NXPE4: variants seen among roughly 807,000 people sequenced by gnomAD.
NXPE4 encodes the protein NXPE family member 4.
NXPE4 carries 42 observed loss-of-function variants against 33.3 expected under a neutral mutation model. The observed-to-expected ratio is 1.26, with a 90% CI of 0.98 to 1.63. NXPE4 has a LOEUF of 1.63. Ranked by LOEUF, NXPE4 falls within the 40% of genes most tolerant of loss-of-function variation. The pLI, the probability that NXPE4 is intolerant of heterozygous loss-of-function variation, is 0.00. For missense variants in NXPE4, 709 were observed against 647.6 expected (o/e 1.09, Z -1.03); for synonymous variants, 253 against 234.9 (o/e 1.08, Z -0.71).
chr11:114,673,080 T>C, the NXPE4 span, among the ~76,000 whole-genome samples: 207 of 148,298 alleles, frequency 1.4e-3, no homozygotes, highest in Middle Eastern at 3.6e-3. Flanking sequence ...ATATATTATA[T>C]ATATAACATA....
At chr11:114,596,507 C>G (rs185828623), upstream of NXPE4, among the ~76,000 whole-genome samples, 464 of 152,272 alleles carry the variant, frequency 3.0e-3, no homozygotes, top group African/African-American at 0.01. Flanking sequence ...AAGATGGAAT[C>G]AAGACCAGTT....
the NXPE4 span, among the ~76,000 whole-genome samples, chr11:114,626,377 C>T: frequency 8.9e-3 from 1,355 of 152,256 alleles, 20 homozygotes; most frequent in African/African-American, 0.031. Flanking sequence ...CCCTGACCCC[C>T]GAGCAGCCTA....
At chr11:114,590,888 G>A (rs1308846845) in intron 2 of NXPE4, among the ~76,000 whole-genome samples, 4 of 152,136 alleles carry the variant, frequency 2.6e-5, no homozygotes, top group Admixed American at 6.6e-5. Flanking sequence ...CTAACAGTCC[G>A]TTGGCTCCTT....
At chr11:114,576,880 T>G (rs960052132) in intron 5 of NXPE4, among the ~76,000 whole-genome samples, 25 of 150,974 alleles carry the variant, frequency 1.7e-4, no homozygotes, top group African/African-American at 5.6e-4. Context: ...AAAAAAATAC[T>G]TGTACACACA....
At chr11:114,581,366 T>C (rs1949141736) in intron 4 of NXPE4, among the ~76,000 whole-genome samples, 2 of 151,996 alleles carry the variant, frequency 1.3e-5, no homozygotes, top group African/African-American at 2.4e-5. Context: ...GATGGGCTAG[T>C]GGTGATATGG....
chr11:114,601,686 A>ATATAT, the NXPE4 span, among the ~76,000 whole-genome samples: 1 of 31,678 alleles, frequency 3.2e-5, no homozygotes, highest in Admixed American at 6.1e-4. Context: ...ATTATAGATT[A>ATATAT]TATATATTTA....
At chr11:114,657,573 T>A in the NXPE4 span, among the ~76,000 whole-genome samples, 1 of 152,186 alleles carries the variant, frequency 6.6e-6, no homozygotes, top group South Asian at 2.1e-4. Context: ...TGCTATTTAA[T>A]GTCGTATAAT....
At chr11:114,606,405 G>A in the NXPE4 span, among the ~76,000 whole-genome samples, 21 of 150,808 alleles carry the variant, frequency 1.4e-4, no homozygotes, top group African/African-American at 4.4e-4. Flanking sequence ...ACTGTTACCC[G>A]GTGGATAATA....
the NXPE4 span, among the ~76,000 whole-genome samples, chr11:114,650,784 A>G: frequency 1.3e-5 from 2 of 152,122 alleles, no homozygotes; most frequent in Non-Finnish European, 1.5e-5. Flanking sequence ...AGAACTCTGG[A>G]AAGACTCTCT....
At chr11:114,636,981 A>C in the NXPE4 span, among the ~76,000 whole-genome samples, 1 of 152,224 alleles carries the variant, frequency 6.6e-6, no homozygotes, top group African/African-American at 2.4e-5. Context: ...TATTAGGTCC[A>C]CTTGGTGCAG....
chr11:114,589,873 A>G (rs1169319483), intron 2 of NXPE4, among the ~76,000 whole-genome samples: 2 of 152,210 alleles, frequency 1.3e-5, no homozygotes, highest in Non-Finnish European at 2.9e-5. Context: ...TGCAGAATGG[A>G]GATTCATTAA....
the NXPE4 span, among the ~76,000 whole-genome samples, chr11:114,668,677 G>A: frequency 1.3e-5 from 2 of 152,078 alleles, no homozygotes; most frequent in East Asian, 3.9e-4. Context: ...GGAGTGGGCA[G>A]AGACCATGAC....
At chr11:114,636,424 C>T in the NXPE4 span, among the ~76,000 whole-genome samples, 4 of 152,012 alleles carry the variant, frequency 2.6e-5, no homozygotes, top group African/African-American at 7.2e-5. Flanking sequence ...CTCCTGGATT[C>T]GTTAATTGTT....
chr11:114,591,662 G>A (rs1335336628), intron 2 of NXPE4, among the ~76,000 whole-genome samples: 1 of 152,064 alleles, frequency 6.6e-6, no homozygotes, highest in East Asian at 1.9e-4. Context: ...ATGGCAAGCT[G>A]TACTTTCCAG....
At chr11:114,575,176 T>G (rs376406495) in intron 5 of NXPE4, among the ~76,000 whole-genome samples, 1 of 152,010 alleles carries the variant, frequency 6.6e-6, no homozygotes, top group East Asian at 1.9e-4. Flanking sequence ...AAAATCAACA[T>G]AGAAGGGACA....
the NXPE4 span, among the ~76,000 whole-genome samples, chr11:114,633,659 C>G: frequency 1.3e-5 from 2 of 151,124 alleles, no homozygotes; most frequent in African/African-American, 4.9e-5. Flanking sequence ...GTTCCCCTTC[C>G]TGTGTCCATG....
At chr11:114,676,245 T>C in the NXPE4 span, among the ~76,000 whole-genome samples, 2 of 151,742 alleles carry the variant, frequency 1.3e-5, no homozygotes, top group African/African-American at 4.8e-5. Flanking sequence ...AAACAAAAAA[T>C]AGACAAAATG....
At chr11:114,665,891 A>G in the NXPE4 span, among the ~76,000 whole-genome samples, 1 of 152,144 alleles carries the variant, frequency 6.6e-6, no homozygotes, top group Non-Finnish European at 1.5e-5. Context: ...CTTTGCTTGC[A>G]CTAAAATAGT....
upstream of NXPE4, among the ~76,000 whole-genome samples, chr11:114,599,560 G>T (rs758270557): frequency 6.6e-6 from 1 of 152,238 alleles, no homozygotes; most frequent in East Asian, 1.9e-4. Context: ...ATAAAGAAAA[G>T]AGATTTAATT....
Sources: allele counts gnomAD v4.1 joint callset (sites outside exome capture counted in the v4.1 genomes callset), GRCh38; gene constraint gnomAD v4.1.1; transcripts MANE v1.5; gene names NCBI Gene and HGNC (gene_info 2026-07-23, HGNC 2026-07-21).